Variants in GPC6 observed in about 807,000 individuals in gnomAD.
GPC6 encodes glypican 6, also known as glypican-6.
A neutral mutation model predicts 55.2 loss-of-function variants in GPC6; 14 were observed. The ratio of observed to expected loss-of-function variants is 0.25; its 90% CI spans 0.17 to 0.40. GPC6 has a LOEUF of 0.40. GPC6 is among the 10% of genes least tolerant of loss of function. The pLI, the probability that GPC6 is intolerant of heterozygous loss-of-function variation, is 1.00. For missense variants in GPC6, 641 were observed against 708.5 expected (o/e 0.90, Z 1.08); for synonymous variants, 278 against 259.6 (o/e 1.07, Z -0.68).
intron 3 of GPC6, among the ~76,000 whole-genome samples, chr13:93,879,367 T>TA (rs1386124078): frequency 3.4e-4 from 52 of 152,170 alleles, no homozygotes; most frequent in Non-Finnish European, 5.3e-4. Context: ...AAAACAGAGA[T>TA]ATAGATCAAT....
chr13:94,158,924 C>A (rs868431294), intron 4 of GPC6, among the ~76,000 whole-genome samples: 5 of 144,854 alleles, frequency 3.5e-5, no homozygotes, highest in South Asian at 2.1e-4. Flanking sequence ...TTACCACTAT[C>A]CCCCAATATT....
Position 93,540,375 on chromosome 13 carries a change from A to C in GPC6, c.161-4888A>C, listed in dbSNP as rs917968154. On this transcript the variant is annotated intron_variant, in intron 1 of 8. Transcript: ENST00000377047. Reference sequence around the variant, plus strand: ...AAATGATTATAGATAAAAGTATTGGAGTATTTCTCTGAAATCCTAATCCTT... The same window carrying C: ...AAATGATTATAGATAAAAGTATTGGCGTATTTCTCTGAAATCCTAATCCTT... Among the ~76,000 whole-genome samples, 26 of 152,178 alleles carry C rather than the reference A, an allele frequency of 1.7e-4. 1 individual carries two copies. The highest frequency in any genetic ancestry group is 5.8e-4 in the African/African-American group (24 of 41,442).
chr13:93,610,468 C>T (rs1469359049), intron 2 of GPC6, among the ~76,000 whole-genome samples: 2 of 152,090 alleles, frequency 1.3e-5, no homozygotes, highest in African/African-American at 4.8e-5. Context: ...ATACTATAAG[C>T]ACTTATGTTC....
rs138677062 is a variant in GPC6, at chr13:94,011,943, G to A, written c.712-15786G>A. 4.5e-3 allele frequency among the ~76,000 whole-genome samples: 686 copies of A among 152,274 alleles called. 20 individuals carry two copies. The highest frequency in any genetic ancestry group is 0.038 in the Admixed American group (588 of 15,294). ...TCTGAATGAACTTGAAATAAATTCA[G>A]TCATAGCCATCTATTCCATTAATAT... On this transcript the variant is annotated intron_variant, in intron 3 of 8. Transcript: ENST00000377047.
chr13:93,255,013 G>T (rs930258288), intron 1 of GPC6, among the ~76,000 whole-genome samples: 2 of 152,200 alleles, frequency 1.3e-5, no homozygotes, highest in African/African-American at 2.4e-5. Context: ...TTTCCAATCC[G>T]CTGCTCTTAC....
chr13:94,216,698 G>C (rs1268359951), intron 4 of GPC6, among the ~76,000 whole-genome samples: 1 of 152,094 alleles, frequency 6.6e-6, no homozygotes, highest in East Asian at 1.9e-4. Context: ...ACACATAGTG[G>C]TCAGAACCCT....
intron 4 of GPC6, among the ~76,000 whole-genome samples, chr13:94,197,216 T>TC (rs1432475729): frequency 6.6e-6 from 1 of 151,648 alleles, no homozygotes; most frequent in African/African-American, 2.4e-5. Flanking sequence ...ATTGAGAAAA[T>TC]CCCCCCTCAT....
intron 4 of GPC6, among the ~76,000 whole-genome samples, chr13:94,268,597 T>TG (rs1411159100): frequency 2.0e-5 from 3 of 152,228 alleles, no homozygotes; most frequent in African/African-American, 7.2e-5. Flanking sequence ...AATCAATTGT[T>TG]GGAGTGTTGA....
chr13:93,856,686 C>T (rs1318336630), intron 3 of GPC6, among the ~76,000 whole-genome samples: 1 of 151,616 alleles, frequency 6.6e-6, no homozygotes, highest in Non-Finnish European at 1.5e-5. Context: ...ATGTGTAGAA[C>T]ATCATTCTAT....
At chr13:94,318,378 A>C (rs1427718667) in intron 6 of GPC6, among the ~76,000 whole-genome samples, 1 of 152,174 alleles carries the variant, frequency 6.6e-6, no homozygotes, top group Non-Finnish European at 1.5e-5. Context: ...TTTCCTATAC[A>C]TACATACCTA....
chr13:94,160,230 A>G (rs551070216), intron 4 of GPC6, among the ~76,000 whole-genome samples: 1 of 152,340 alleles, frequency 6.6e-6, no homozygotes, highest in East Asian at 1.9e-4. Flanking sequence ...TTTATACATT[A>G]AACCTTACCA....
rs1453332713 is a variant in GPC6 at position 93,877,958 on chromosome 13, A to G, written c.711+47413A>G. On this transcript the variant is annotated intron_variant, in intron 3 of 8. Transcript: ENST00000377047. ...AGTCAGAGGGTGGAGCTGGTGTCAG[A>G]GGGAACATTGTAAATTTGGTTTGAA... is the stretch of plus-strand genomic sequence containing the variant. 1.3e-5 allele frequency among the ~76,000 whole-genome samples: 2 copies of G among 152,084 alleles called. 1 individual carries two copies. The highest frequency in any genetic ancestry group is 2.9e-5 in the Non-Finnish European group (2 of 67,990).
At chr13:93,427,642 CT>C in intron 1 of GPC6, among the ~76,000 whole-genome samples, 1 of 152,300 alleles carries the variant, frequency 6.6e-6, no homozygotes, top group African/African-American at 2.4e-5. Context: ...TCATTCTATA[CT>C]ATTTCATATC....
chr13:93,978,623 A>T (rs573286665), intron 3 of GPC6, among the ~76,000 whole-genome samples: 1 of 152,100 alleles, frequency 6.6e-6, no homozygotes, highest in Admixed American at 6.6e-5. Flanking sequence ...CTTCTTAGTC[A>T]ATTTCTACTC....
chr13:94,249,014 G>A (rs934572603), intron 4 of GPC6, among the ~76,000 whole-genome samples: 3 of 152,070 alleles, frequency 2.0e-5, no homozygotes, highest in African/African-American at 7.2e-5. Context: ...CATGCTCAGA[G>A]AATCAGGAGC....
At chr13:93,746,552 G>A (rs930821818) in intron 2 of GPC6, among the ~76,000 whole-genome samples, 1 of 152,060 alleles carries the variant, frequency 6.6e-6, no homozygotes, top group African/African-American at 2.4e-5. Flanking sequence ...ACCATAACAG[G>A]AAAACCTAGA....
intron 4 of GPC6, among the ~76,000 whole-genome samples, chr13:94,133,984 A>G (rs750955144): frequency 5.9e-5 from 9 of 152,256 alleles, no homozygotes; most frequent in Non-Finnish European, 1.2e-4. Flanking sequence ...GACATTAATC[A>G]TCAGTTGAAA....
At chr13:93,949,732 T>A (rs1257736646) in intron 3 of GPC6, among the ~76,000 whole-genome samples, 3 of 152,274 alleles carry the variant, frequency 2.0e-5, no homozygotes, top group South Asian at 2.1e-4. Context: ...TTATGATTTT[T>A]AAAAAATTTT....
rs144675633 is a variant in GPC6 at position 94,284,654 on chromosome 13, T to C, written c.878-1695T>C. 7.2e-3 allele frequency among the ~76,000 whole-genome samples: 1,093 copies of C among 152,214 alleles called. 12 individuals carry two copies. Among genetic ancestry groups the C allele is most frequent in the African/African-American group, 0.024 (1,007 of 41,540 alleles). The stretch of plus-strand genomic sequence containing the variant: ...TGTATCATTATAATCAGTGCATCCA[T>C]GTTATTTTATCTAGATGTTTCACAC... On this transcript the variant is annotated intron_variant, in intron 4 of 8. Coordinates refer to ENST00000377047, the MANE Select transcript of GPC6 (RefSeq NM_005708.5).
Sources: gnomAD v4.1 joint callset for allele counts (sites outside exome capture counted in the v4.1 genomes callset) on GRCh38, gnomAD v4.1.1 for gene constraint, MANE v1.5 for transcripts, NCBI Gene and HGNC (gene_info 2026-07-23, HGNC 2026-07-21) for gene names.